Variants in CACNB2 observed in about 807,000 individuals in gnomAD.
CACNB2 encodes the protein voltage-dependent L-type calcium channel subunit beta-2.
In CACNB2, 42 loss-of-function variants were observed where a neutral mutation model predicts 73.3. The observed-to-expected ratio is 0.57, with a 90% CI of 0.45 to 0.74. CACNB2 has a LOEUF of 0.74. CACNB2 is among the 30% of genes least tolerant of loss of function. The pLI is 0.00. For missense variants in CACNB2, 940 were observed against 853.0 expected (o/e 1.10, Z -1.27); for synonymous variants, 348 against 310.3 (o/e 1.12, Z -1.28).
At chr10:18,363,758 C>T (rs1263993320) in intron 2 of CACNB2, among the ~76,000 whole-genome samples, 1 of 151,988 alleles carries the variant, frequency 6.6e-6, no homozygotes, top group Admixed American at 6.5e-5. Flanking sequence ...GGCACCTAAC[C>T]TCTCTGGAAA....
At chr10:18,333,461 A>C (rs2040881552) in intron 2 of CACNB2, among the ~76,000 whole-genome samples, 2 of 151,564 alleles carry the variant, frequency 1.3e-5, no homozygotes, top group East Asian at 3.9e-4. Flanking sequence ...AAAACCTGTT[A>C]GAGACAACAT....
intron 2 of CACNB2, chr10:18,260,467 G>A: frequency 2.0e-6 from 2 of 985,404 alleles, no homozygotes; most frequent in South Asian, 4.7e-5. Flanking sequence ...AAACAACTGT[G>A]CGCCGCAGTG....
intron 3 of CACNB2, among the ~76,000 whole-genome samples, chr10:18,443,790 C>G (rs1350803746): frequency 6.6e-6 from 1 of 150,858 alleles, no homozygotes; most frequent in Non-Finnish European, 1.5e-5. Context: ...TCTCAGCTCA[C>G]TGAAACCTCC....
intron 2 of CACNB2, among the ~76,000 whole-genome samples, chr10:18,191,437 TTTTC>T (rs970048092): frequency 1.2e-4 from 19 of 152,290 alleles, no homozygotes; most frequent in African/African-American, 4.3e-4. Flanking sequence ...TCTAGTTTTT[TTTTC>T]TTTCTTATTT....
In CACNB2 at chr10:18,491,743, T is replaced by C. The variant is rs536104005; in HGVS notation, c.334-6612T>C. Among the ~76,000 whole-genome samples, 81 of 148,684 alleles carry C rather than the reference T, an allele frequency of 5.4e-4. 2 individuals are homozygous for C. In the South Asian group the frequency reaches 0.01, roughly 19 times the overall value. On this transcript the variant is annotated intron_variant, in intron 3 of 13. Transcript: ENST00000324631. ...AGATGTCAACTTAAAACAGGATATA[T>C]TTGATTAACAAATGGTTTCATGGAT...
chr10:18,238,286 C>T (rs1004297051), intron 2 of CACNB2: 7 of 152,182 alleles, frequency 4.6e-5, no homozygotes, highest in Non-Finnish European at 8.8e-5. Context: ...CAGTTCTAGC[C>T]TGGTCCTCTC....
At chr10:18,340,773 A>G in intron 2 of CACNB2, 1 of 1,562,186 alleles carries the variant, frequency 6.4e-7, no homozygotes, top group South Asian at 1.2e-5. Flanking sequence ...CACACTAACT[A>G]AGACTACACA....
intron 9 of CACNB2, among the ~76,000 whole-genome samples, chr10:18,523,319 GA>G (rs1480841613): frequency 6.6e-6 from 1 of 152,196 alleles, no homozygotes; most frequent in Admixed American, 6.5e-5. Context: ...AAATGGGATG[GA>G]ATTTCCTGGA....
intron 2 of CACNB2, among the ~76,000 whole-genome samples, chr10:18,272,733 T>C (rs946612754): frequency 6.6e-6 from 1 of 152,218 alleles, no homozygotes; most frequent in Non-Finnish European, 1.5e-5. Flanking sequence ...GTCCCTTTGC[T>C]CTTCCTTTGC....
chr10:18,365,475 C>G (rs1474043655), intron 2 of CACNB2, among the ~76,000 whole-genome samples: 2 of 152,138 alleles, frequency 1.3e-5, no homozygotes, highest in Non-Finnish European at 2.9e-5. Context: ...AAATGCCACC[C>G]AAGTTTGGGC....
At chr10:18,444,084 C>A (rs1422747727) in intron 3 of CACNB2, among the ~76,000 whole-genome samples, 3 of 152,156 alleles carry the variant, frequency 2.0e-5, no homozygotes, top group Non-Finnish European at 4.4e-5. Flanking sequence ...TAAGGATTCT[C>A]CCTGCTGTGG....
intron 2 of CACNB2, among the ~76,000 whole-genome samples, chr10:18,154,470 T>C (rs2131054290): frequency 6.6e-6 from 1 of 152,098 alleles, no homozygotes; most frequent in Middle Eastern, 3.4e-3. Flanking sequence ...TTTTTTTTGT[T>C]TTTGTTTTTT....
chr10:18,385,176 G>C (rs189983818), intron 2 of CACNB2, among the ~76,000 whole-genome samples: 36 of 151,954 alleles, frequency 2.4e-4, no homozygotes, highest in Admixed American at 3.3e-4. Context: ...CCAGGTACTC[G>C]AGAGGCTGAG....
At chr10:18,457,805 A>G (rs1052083119) in intron 3 of CACNB2, among the ~76,000 whole-genome samples, 2 of 152,044 alleles carry the variant, frequency 1.3e-5, no homozygotes, top group African/African-American at 2.4e-5. Context: ...CAGGAGAATC[A>G]CTTGAACCCG....
At chr10:18,533,281 A>C (rs545666440) in intron 10 of CACNB2, 7 of 152,242 alleles carry the variant, frequency 4.6e-5, no homozygotes, top group Non-Finnish European at 5.9e-5. Context: ...ACGCCTGTTC[A>C]AGTGCTCAGT....
chr10:18,167,793 G>A (rs115329302), intron 2 of CACNB2, among the ~76,000 whole-genome samples: 250 of 152,248 alleles, frequency 1.6e-3, no homozygotes, highest in African/African-American at 5.6e-3. Context: ...TATAGTTTAA[G>A]GAAAACCAGA....
At chr10:18,152,607 A>G (rs1421851260) in intron 2 of CACNB2, among the ~76,000 whole-genome samples, 1 of 148,494 alleles carries the variant, frequency 6.7e-6, no homozygotes, top group Non-Finnish European at 1.5e-5. Context: ...CGCCTTTTCC[A>G]TTTCAAGCTA....
At chr10:18,351,450 C>T (rs564214385) in intron 2 of CACNB2, among the ~76,000 whole-genome samples, 1 of 152,280 alleles carries the variant, frequency 6.6e-6, no homozygotes, top group South Asian at 2.1e-4. Context: ...TCTTTACATT[C>T]TTCTACCTAT....
chr10:18,415,126 A>G (rs2044870895), intron 3 of CACNB2, among the ~76,000 whole-genome samples: 1 of 152,206 alleles, frequency 6.6e-6, no homozygotes, highest in South Asian at 2.1e-4. Flanking sequence ...TCTAATGGTC[A>G]TGCTAAAAAT....
Sources: gnomAD v4.1 joint callset for allele counts (sites outside exome capture counted in the v4.1 genomes callset) on GRCh38, gnomAD v4.1.1 for gene constraint, MANE v1.5 for transcripts, NCBI Gene and HGNC (gene_info 2026-07-23, HGNC 2026-07-21) for gene names.